COL1A2: variants seen among roughly 807,000 people sequenced by gnomAD.
COL1A2 encodes collagen type I alpha 2 chain.
In COL1A2, 49 loss-of-function variants were observed where a neutral mutation model predicts 174.3. That is an observed-to-expected ratio of 0.28 (90% CI 0.22 to 0.36). The LOEUF (loss-of-function observed/expected upper bound fraction) is 0.36, where lower values mean the gene tolerates loss of function less well. COL1A2 is among the 10% of genes least tolerant of loss of function. The pLI is 1.00. For missense variants in COL1A2, 1,438 were observed against 1,822.7 expected, an observed-to-expected ratio of 0.79 and a Z score of 3.84; for synonymous variants, 655 against 606.6, an observed-to-expected ratio of 1.08 and a Z score of -1.17.
At chr7:94,416,258 T>C (rs1007731921) in intron 30 of COL1A2, 147 bp from the exon 31 acceptor site, 49 of 651,926 alleles carry the variant, frequency 7.5e-5, no homozygotes, top group Non-Finnish European at 1.1e-4. Context: ...ATTTTACTAG[T>C]GGAGAGATTA....
chr7:94,400,138 ATTCTTAGGT>A lies in COL1A2; in HGVS notation c.133-53_133-45del, dbSNP rs1791660963. On this transcript the variant is annotated intron_variant, in intron 4 of 51. Transcript: ENST00000297268. ...TGAACAACTGATCTTACCACATATA[ATTCTTAGGT>A]TTCTACAGGGCCTGTCTAACCTGAC... The A allele has an allele frequency of 2.7e-6, 4 of 1,508,412 alleles. No homozygotes were observed. The South Asian group carries it at 4.5e-5, about 17-fold the overall frequency. 93.4% of individuals were successfully genotyped at this position (1,508,412 alleles called of 1,614,324 possible).
chr7:94,409,954 C>T (rs530862925), intron 19 of COL1A2, 133 bp downstream of exon 19: 3 of 912,076 alleles, frequency 3.3e-6, no homozygotes, highest in Admixed American at 2.0e-5. Context: ...GTTTATATTT[C>T]TTATATATAT....
chr7:94,430,523 G>T lies in COL1A2; in HGVS notation c.*130G>T. ...TGCACATCTACTTGCTTAAATTGTG[G>T]GCAAAAGAGAAAAAGAAGGATTGAT... On this transcript the variant is annotated 3_prime_UTR_variant, in exon 52 of 52. Transcript: ENST00000297268. The T allele has an allele frequency of 2.1e-6, 2 of 962,516 alleles. No individual in the cohort carries two copies. Among genetic ancestry groups the T allele is most frequent in the Non-Finnish European group, 3.1e-6 (2 of 640,154 alleles). 59.6% of individuals were successfully genotyped at this position (962,516 alleles called of 1,614,324 possible).
intron 50 of COL1A2, 133 bp from the exon 51 acceptor site, chr7:94,429,055 A>T (rs1584332447): frequency 2.7e-6 from 2 of 733,606 alleles, no homozygotes; most frequent in South Asian, 1.9e-5. Context: ...CTTTAAAAGT[A>T]CCCTTTTCCT....
rs1450148793 is a variant in COL1A2 at position 94,428,401 on chromosome 7, C to A, written c.3635C>A (p.Pro1212Gln). Residue 1212 changes from proline to glutamine, a missense_variant, in exon 50 of 52, where the codon CCA (proline) becomes CAA (glutamine). Physicochemically the swap from Pro to Gln is moderately conservative, Grantham distance 76. Transcript: ENST00000297268. ...TCIRAQPENIPAKNWYRSSKD... is the reference protein window; with the variant it reads ...TCIRAQPENIQAKNWYRSSKD... The stretch of plus-strand genomic sequence containing the variant: ...ATCCGGGCCCAACCTGAAAACATCC[C>A]AGCCAAGAACTGGTATAGGAGCTCC... 1 of 1,614,080 alleles carries A rather than the reference C, an allele frequency of 6.2e-7. No individual in the cohort carries two copies. Among genetic ancestry groups the A allele is most frequent in the Non-Finnish European group, 8.5e-7 (1 of 1,179,972 alleles).
In COL1A2 at chr7:94,427,296, G is replaced by C. The variant is rs1792299088; in HGVS notation, c.3267+1G>C. Reference sequence around the variant, plus strand: ...CCCTCAGGGTCACCAAGGCCCTGCTGTAAGTATGATTTGGGGAAATAATAA... The same window carrying C: ...CCCTCAGGGTCACCAAGGCCCTGCTCTAAGTATGATTTGGGGAAATAATAA... On this transcript the variant is annotated splice_donor_variant, in intron 48 of 51. Coordinates refer to ENST00000297268, the MANE Select transcript of COL1A2 (RefSeq NM_000089.4). LOFTEE classifies it high-confidence loss of function. The C allele has an allele frequency of 6.2e-7, 1 of 1,607,918 alleles. No individual in the cohort carries two copies. Among genetic ancestry groups the C allele is most frequent in the South Asian group, 1.1e-5 (1 of 90,206 alleles).
At chr7:94,395,513 C>A (rs1265528173) in intron 1 of COL1A2, 2 of 335,718 alleles carry the variant, frequency 6.0e-6, no homozygotes, top group African/African-American at 2.2e-5. Context: ...GTTAGAAAGC[C>A]CTTCAACTGA....
chr7:94,410,572 T>C, intron 21 of COL1A2, 45 bp downstream of exon 21: 2 of 1,455,772 alleles, frequency 1.4e-6, no homozygotes, highest in Non-Finnish European at 1.9e-6. Context: ...CAGAGGCAGA[T>C]TATGATACCC....
In COL1A2 at chr7:94,410,424, C is replaced by T; in HGVS notation, c.1094C>T (p.Ser365Phe). The part of the protein sequence containing the change: ...GESGNKGEPG[S>F]AGPQGPPGPS... ...TTTGTTCTTTTCATTAAACAGGGCT[C>T]TGCTGGGCCCCAAGGTCCTCCTGGT... Residue 365 changes from serine to phenylalanine, a missense_variant, in exon 21 of 52, where the codon TCT becomes TTT. Ser to Phe is a radical substitution (Grantham distance 155). This residue lies in a region of COL1A2 where 867 missense variants were observed against 1,213.7 expected (regional missense o/e 0.71). Coordinates refer to ENST00000297268, the MANE Select transcript of COL1A2 (RefSeq NM_000089.4). The T allele has an allele frequency of 6.4e-7, 1 of 1,551,998 alleles. No homozygotes were observed. Among genetic ancestry groups the T allele is most frequent in the Non-Finnish European group, 8.7e-7 (1 of 1,147,520 alleles).
intron 12 of COL1A2, among the ~76,000 whole-genome samples, chr7:94,406,675 A>T (rs1469836236): frequency 6.6e-6 from 1 of 152,164 alleles, no homozygotes; most frequent in African/African-American, 2.4e-5. Context: ...CTCCTTTGCC[A>T]CACACTAATT....
In COL1A2 at chr7:94,398,927, T is replaced by A. The variant is rs2115855698; in HGVS notation, c.97-122T>A. The A allele has an allele frequency of 3.3e-6, 3 of 899,598 alleles. No individual in the cohort carries two copies. In the East Asian group the frequency reaches 7.3e-5, roughly 22 times the overall value. 55.7% of individuals were successfully genotyped at this position (899,598 alleles called of 1,614,324 possible). A position where few individuals can be genotyped will look rare whatever the true frequency, so the allele number is the denominator to read the frequency against. ...TGCATTGTGTCAATTTTTTATATGC[T>A]ATCTAATAACATTGTAGTTACATCA... On this transcript the variant is annotated intron_variant, in intron 3 of 51. Coordinates refer to ENST00000297268, the MANE Select transcript of COL1A2 (RefSeq NM_000089.4).
intron 25 of COL1A2, 150 bp from the exon 26 acceptor site, chr7:94,412,933 A>T: frequency 1.2e-6 from 1 of 819,888 alleles, no homozygotes; most frequent in Non-Finnish European, 2.1e-6. Flanking sequence ...CTGCATGGTG[A>T]TGGATCATCC....
intron 46 of COL1A2, 168 bp from the exon 47 acceptor site, chr7:94,426,840 A>T: frequency 3.0e-6 from 2 of 672,862 alleles, no homozygotes; most frequent in African/African-American, 1.8e-5. Flanking sequence ...TGAAAAAAAA[A>T]TTGAATATAA....
rs768171831 is a variant in COL1A2 at position 94,426,011 on chromosome 7, C to T, written c.2957C>T (p.Pro986Leu). ...GNRGETGPSGPVGPAGAVGPR... is the reference protein window; with the variant it reads ...GNRGETGPSGLVGPAGAVGPR... Reference sequence around the variant, plus strand: ...TTCATTTCACAGGGTCCTTCTGGTCCTGTTGGTCCTGCTGGTGCTGTTGGC... The same window carrying T: ...TTCATTTCACAGGGTCCTTCTGGTCTTGTTGGTCCTGCTGGTGCTGTTGGC... Residue 986 changes from proline (P) to leucine (L), a missense_variant, in exon 45 of 52, where the codon CCT (proline) becomes CTT (leucine). Pro to Leu is a moderately conservative substitution (Grantham distance 98, BLOSUM62 -3). Coordinates refer to ENST00000297268, the MANE Select transcript of COL1A2 (RefSeq NM_000089.4). 6.3e-5 allele frequency: 101 copies of T among 1,614,002 alleles called. 2 individuals carry two copies. The South Asian group carries it at 1.0e-3, about 16-fold the overall frequency.
At position 94,411,038 on chromosome 7, in the gene COL1A2, T is replaced by G. The variant is rs1334098211; in HGVS notation, c.1252-18T>G. 5 of 1,602,094 alleles carry G rather than the reference T, an allele frequency of 3.1e-6. No homozygotes were observed. Among genetic ancestry groups the G allele is most frequent in the African/African-American group, 2.7e-5 (2 of 74,534 alleles). Reference sequence around the variant, plus strand: ...AGCATCCTCCTCCTCTATCTGTTTTTTTTTTTTTTTTGAATAGGGCCCTCC... The same window carrying G: ...AGCATCCTCCTCCTCTATCTGTTTTGTTTTTTTTTTTGAATAGGGCCCTCC... On this transcript the variant is annotated intron_variant, in intron 22 of 51. Transcript: ENST00000297268.
rs781540526 is a variant in COL1A2 at position 94,420,374 on chromosome 7, T to A, written c.2134-17T>A. ...CTAGGATTGATAACACATTTTTAAA[T>A]CCCTTCTCCCACCTAGGGTGAACGT... On this transcript the variant is annotated splice_polypyrimidine_tract_variant and intron_variant, in intron 35 of 51. Transcript: ENST00000297268. 2 of 1,614,142 alleles carry A rather than the reference T, an allele frequency of 1.2e-6. No homozygotes were observed. The highest frequency in any genetic ancestry group is 1.7e-6 in the Non-Finnish European group (2 of 1,180,050).
chr7:94,400,373 G>T, intron 5 of COL1A2, 85 bp downstream of exon 5: 2 of 1,167,476 alleles, frequency 1.7e-6, no homozygotes, highest in African/African-American at 1.5e-5. Flanking sequence ...GCAGTTAAGG[G>T]ATAATTCTTC....
intron 1 of COL1A2, chr7:94,395,425 G>A (rs1487974689): frequency 1.3e-5 from 5 of 379,412 alleles, no homozygotes; most frequent in African/African-American, 8.4e-5. Context: ...CGACCAATGT[G>A]GTGGAGGAAG....
In COL1A2 at chr7:94,429,340, G is replaced by C; in HGVS notation, c.3864G>C (p.Lys1288Asn). 6 of 1,614,058 alleles carry C rather than the reference G, an allele frequency of 3.7e-6. No homozygotes were observed. The highest frequency in any genetic ancestry group is 4.2e-6 in the Non-Finnish European group (5 of 1,179,990). ...YMDEETGNLK[K>N]AVILQGSNDV... ...ATGAGGAGACTGGCAACCTGAAAAA[G>C]GCTGTCATTCTACAGGGCTCTAATG... is the stretch of plus-strand genomic sequence containing the variant. The change falls in exon 51 of 52, where the codon AAG becomes AAC. Residue 1288 changes from lysine (K) to asparagine (N), a missense_variant. By Grantham distance (94) the Lys-to-Asn change is moderately conservative. This residue lies in a region of COL1A2 where 290 missense variants were observed against 298.1 expected (regional missense o/e 0.97). Coordinates refer to ENST00000297268, the MANE Select transcript of COL1A2 (RefSeq NM_000089.4).
Sources: allele counts gnomAD v4.1 joint callset (sites outside exome capture counted in the v4.1 genomes callset), GRCh38; gene constraint gnomAD v4.1.1; regional missense constraint gnomAD v4.1.1; transcripts MANE v1.5; gene names NCBI Gene and HGNC (gene_info 2026-07-23, HGNC 2026-07-21).